The following NBPF10 variants were observed in gnomAD, a reference collection of about 807,000 sequenced individuals.
NBPF10 encodes the protein NBPF member 10, also known as NBPF family member NBPF10.
In NBPF10, 63 loss-of-function variants were observed where a neutral mutation model predicts 77.9. The ratio of observed to expected loss-of-function variants is 0.81; its 90% CI spans 0.66 to 1.00. The LOEUF is 1.00. Among genes scored for constraint, NBPF10 ranks in the 50% least tolerant of loss-of-function variants. The pLI, the probability that NBPF10 is intolerant of heterozygous loss-of-function variation, is 0.00. For synonymous variants in NBPF10, 146 were observed against 264.5 expected, an observed-to-expected ratio of 0.55 and a Z score of 4.35; for missense variants, 522 against 679.8, an observed-to-expected ratio of 0.77 and a Z score of 2.58.
At chr1:146,124,665 C>T (rs1658418827) in intron 16 of NBPF10, 23 bp downstream of exon 16, 1 of 78,878 alleles carries the variant, frequency 1.3e-5, no homozygotes, top group East Asian at 2.3e-4. Flanking sequence ...GGAGGCTTAT[C>T]ACCTTCACAG....
Position 146,118,398 on chromosome 1 carries a change from GT to G in NBPF10, c.3179del (p.Asn1060ThrfsTer78). On this transcript the variant is annotated frameshift_variant, in exon 24 of 90. Coordinates refer to ENST00000583866, the Ensembl canonical transcript of NBPF10. LOFTEE classifies it high-confidence loss of function. ...CCACGTCAAGAGAAAAGCCAACATG[GT>G]TTTCCTCCAATGCATAAAAGGAACT... 4 of 198,608 alleles carry G rather than the reference GT, an allele frequency of 2.0e-5. No individual in the cohort carries two copies. The highest frequency in any genetic ancestry group is 1.9e-4 in the Admixed American group (1 of 5,326). The allele number at this position is 198,608 out of a possible 1,614,324, so 12.3% of individuals were successfully genotyped here. A position where few individuals can be genotyped will look rare whatever the true frequency, so the allele number is the denominator to read the frequency against.
chr1:146,066,863 C>A (rs1179541613), intron 89 of NBPF10, among the ~76,000 whole-genome samples: 11 of 150,980 alleles, frequency 7.3e-5, no homozygotes, highest in African/African-American at 2.7e-4. Context: ...TGACTTAGTG[C>A]CCTCATGACA....
intron 15 of NBPF10, 56 bp downstream of exon 15, chr1:146,125,409 C>T: frequency 3.5e-6 from 1 of 282,044 alleles, no homozygotes; most frequent in African/African-American, 7.0e-5. Context: ...TTTCCCTGGA[C>T]CTGGCATCTC....
At chr1:146,139,211 T>C (rs2102221008) in intron 5 of NBPF10, among the ~76,000 whole-genome samples, 1 of 148,218 alleles carries the variant, frequency 6.7e-6, no homozygotes, top group East Asian at 2.0e-4. Flanking sequence ...GCCATTCTCC[T>C]GCCTCAGCCT....
chr1:146,126,184 C>A lies in NBPF10; in HGVS notation c.2026+52G>T, dbSNP rs587732045. 122 of 986,576 alleles carry A rather than the reference C, an allele frequency of 1.2e-4. No homozygotes were observed. In the African/African-American group the frequency reaches 1.5e-3, roughly 12 times the overall value. 61.1% of individuals were successfully genotyped at this position (986,576 alleles called of 1,614,324 possible). On this transcript the variant is annotated intron_variant, in intron 14 of 89. Transcript: ENST00000583866. ...CGGCCACTTGCAGTAGGAATATGACCCTAACCAGAAGACTCAGTGGATCCT... is the reference window on the plus strand; with the variant it reads ...CGGCCACTTGCAGTAGGAATATGACACTAACCAGAAGACTCAGTGGATCCT...
At chr1:146,069,625 T>A (rs782321135) in exon 86 of NBPF10, 20 of 1,570,484 alleles carry the variant, frequency 1.3e-5, no homozygotes, top group Non-Finnish European at 1.6e-5. Flanking sequence ...AGTCACACAG[T>A]TCAAGACAAC....
intron 89 of NBPF10, 74 bp from the exon 90 acceptor site, chr1:146,066,635 A>C (rs1240859908): frequency 1.9e-6 from 1 of 513,010 alleles, no homozygotes; most frequent in Non-Finnish European, 3.4e-6. Flanking sequence ...AGATTTCAGA[A>C]GCAACATAAG....
At chr1:146,135,955 G>T (rs1553794754) in intron 7 of NBPF10, among the ~76,000 whole-genome samples, 2 of 149,670 alleles carry the variant, frequency 1.3e-5, no homozygotes, top group African/African-American at 2.5e-5. Context: ...GAAGGACAGG[G>T]TCGAGAAGGC....
At chr1:146,109,311 GACACACACACACACACAC>G (rs1203658432) in intron 35 of NBPF10, among the ~76,000 whole-genome samples, 197 bp from the exon 36 acceptor site, 1 of 87,206 alleles carries the variant, frequency 1.1e-5, no homozygotes, top group South Asian at 4.4e-4. Flanking sequence ...AAGACAGATA[GACACACACACACACACAC>G]ACACACACAC....
At position 146,124,983 on chromosome 1, in the gene NBPF10, G is replaced by A. The variant is rs1392730838; in HGVS notation, c.2079-123C>T. 6.5e-5 allele frequency: 17 copies of A among 261,910 alleles called. 3 individuals carry two copies. Among genetic ancestry groups the A allele is most frequent in the Non-Finnish European group, 9.1e-5 (14 of 153,518 alleles). The allele number at this position is 261,910 out of a possible 1,614,324, so 16.2% of individuals were successfully genotyped here. Reference sequence around the variant, plus strand: ...AGAAAAAGGACAGATCCATTAACGAGGTAATGAATTATTGCCTTTATGTTG... The same window carrying A: ...AGAAAAAGGACAGATCCATTAACGAAGTAATGAATTATTGCCTTTATGTTG... On this transcript the variant is annotated intron_variant, in intron 15 of 89. Coordinates refer to ENST00000583866, the Ensembl canonical transcript of NBPF10.
intron 88 of NBPF10, 148 bp downstream of exon 88, chr1:146,067,855 T>A (rs1208853205): frequency 1.4e-6 from 1 of 698,926 alleles, no homozygotes; most frequent in South Asian, 1.5e-5. Flanking sequence ...CAGCTGAGAC[T>A]ACAGTTTCAT....
At chr1:146,080,976 C>A (rs1656243179) in intron 71 of NBPF10, among the ~76,000 whole-genome samples, 199 bp from the exon 72 acceptor site, 1 of 30,982 alleles carries the variant, frequency 3.2e-5, no homozygotes, top group East Asian at 7.7e-4. Context: ...GACAGATAGA[C>A]ACACACACAC....
chr1:146,139,257 G>A (rs112790390), intron 5 of NBPF10, among the ~76,000 whole-genome samples: 50 of 146,928 alleles, frequency 3.4e-4, no homozygotes, highest in South Asian at 2.5e-3. Context: ...CCACCACCAC[G>A]CCCAGCTATT....
At position 146,139,272 on chromosome 1, in the gene NBPF10, T is replaced by C. The variant is rs1660041828; in HGVS notation, c.778+537A>G. 2.6e-5 allele frequency among the ~76,000 whole-genome samples: 4 copies of C among 151,178 alleles called. No homozygotes were observed. In the South Asian group the frequency reaches 6.4e-4, roughly 24 times the overall value. On this transcript the variant is annotated intron_variant, in intron 5 of 89. Coordinates refer to ENST00000583866, the Ensembl canonical transcript of NBPF10. ...CCACCACCACGCCCAGCTATTTTTTTTTTTTTTTTTGTATTTTTAGTAAAG... is the reference window on the plus strand; with the variant it reads ...CCACCACCACGCCCAGCTATTTTTTCTTTTTTTTTTGTATTTTTAGTAAAG...
At chr1:146,066,641 A>T (rs113653846) in intron 89 of NBPF10, 80 bp from the exon 90 acceptor site, 1 of 507,574 alleles carries the variant, frequency 2.0e-6, no homozygotes, top group Non-Finnish European at 3.5e-6. Context: ...CAGAAGCAAC[A>T]TAAGGAAGTG....
intron 17 of NBPF10, among the ~76,000 whole-genome samples, 187 bp from the exon 18 acceptor site, chr1:146,123,465 AAGAC>A (rs1658311191): frequency 5.3e-5 from 2 of 37,564 alleles, no homozygotes; most frequent in Non-Finnish European, 1.1e-4. Flanking sequence ...ATGAAAGAGA[AAGAC>A]AGATAGACAC....
chr1:146,132,903 G>C (rs1443539602), intron 10 of NBPF10, among the ~76,000 whole-genome samples: 1 of 19,412 alleles, frequency 5.2e-5, no homozygotes, highest in South Asian at 1.4e-3. Flanking sequence ...GACAGAGCAA[G>C]ACTCCATTGC....
At chr1:146,142,472 C>T (rs587757949) in intron 2 of NBPF10, among the ~76,000 whole-genome samples, 178 bp downstream of exon 2, 3 of 132,262 alleles carry the variant, frequency 2.3e-5, no homozygotes, top group African/African-American at 7.5e-5. Flanking sequence ...GAAACAACTG[C>T]AACACAGAAC....
chr1:146,140,211 G>C (rs1473808610), intron 4 of NBPF10, among the ~76,000 whole-genome samples, 191 bp from the exon 5 acceptor site: 1 of 129,514 alleles, frequency 7.7e-6, no homozygotes, highest in Non-Finnish European at 1.8e-5. Flanking sequence ...GGGAGCCAGA[G>C]AGGAAGAGAG....
Sources: gnomAD v4.1 joint callset for allele counts (sites outside exome capture counted in the v4.1 genomes callset) on GRCh38, gnomAD v4.1.1 for gene constraint, MANE v1.5 for transcripts, NCBI Gene and HGNC (gene_info 2026-07-23, HGNC 2026-07-21) for gene names.